Variants in SMURF2 observed in about 807,000 individuals in gnomAD.
SMURF2 encodes the protein SMAD specific E3 ubiquitin protein ligase 2.
A neutral mutation model predicts 109.6 loss-of-function variants in SMURF2; 48 were observed. That is an observed-to-expected ratio of 0.44 (90% CI 0.35 to 0.56). The LOEUF (loss-of-function observed/expected upper bound fraction) is 0.56. SMURF2 is among the 20% of genes least tolerant of loss of function. The probability of loss-of-function intolerance (pLI) is 0.01; values close to 1 mark genes in which losing one functional copy is unlikely to be tolerated. For missense variants in SMURF2, 575 were observed against 909.0 expected (o/e 0.63, Z 4.72); for synonymous variants, 288 against 317.1 (o/e 0.91, Z 0.97).
intron 1 of SMURF2, among the ~76,000 whole-genome samples, chr17:64,660,147 A>G (rs1419741081): frequency 6.6e-6 from 1 of 152,226 alleles, no homozygotes; most frequent in Non-Finnish European, 1.5e-5. Flanking sequence ...AAGTCATACT[A>G]AAAACCTCAA....
intron 5 of SMURF2, among the ~76,000 whole-genome samples, chr17:64,586,743 T>G (rs1398293778): frequency 2.1e-5 from 2 of 95,758 alleles, no homozygotes; most frequent in Non-Finnish European, 3.7e-5. Context: ...ACAGCGAGAC[T>G]CCGTCTCAAA....
intron 1 of SMURF2, among the ~76,000 whole-genome samples, chr17:64,646,865 C>T (rs1305529387): frequency 6.6e-6 from 1 of 152,156 alleles, no homozygotes; most frequent in East Asian, 1.9e-4. Flanking sequence ...CCACAATGTA[C>T]TATTTGGGAT....
At chr17:64,593,355 G>T in intron 4 of SMURF2, 85 bp downstream of exon 4, 1 of 1,125,124 alleles carries the variant, frequency 8.9e-7, no homozygotes, top group Non-Finnish European at 1.2e-6. Flanking sequence ...CATATATAGT[G>T]CATGTATATA....
At chr17:64,651,552 A>G (rs1555693521) in intron 1 of SMURF2, among the ~76,000 whole-genome samples, 1 of 151,420 alleles carries the variant, frequency 6.6e-6, no homozygotes, top group Non-Finnish European at 1.5e-5. Context: ...AGCCTGGGCG[A>G]CAGAGCAAGA....
intron 9 of SMURF2, among the ~76,000 whole-genome samples, chr17:64,576,655 C>T (rs1215906344): frequency 2.0e-5 from 3 of 152,024 alleles, no homozygotes; most frequent in African/African-American, 7.3e-5. Context: ...CAGAATGAGA[C>T]TCCATCTCAA....
At chr17:64,576,513 A>C (rs1969493088) in intron 9 of SMURF2, among the ~76,000 whole-genome samples, 2 of 151,598 alleles carry the variant, frequency 1.3e-5, no homozygotes, top group Non-Finnish European at 2.9e-5. Context: ...AAAATACAAA[A>C]ATTAGCTGGG....
intron 10 of SMURF2, among the ~76,000 whole-genome samples, chr17:64,565,249 G>A (rs1015214294): frequency 6.7e-6 from 1 of 149,468 alleles, no homozygotes; most frequent in South Asian, 2.1e-4. Context: ...TGCACTCAGG[G>A]AAAAAAAAAA....
intron 1 of SMURF2, among the ~76,000 whole-genome samples, chr17:64,619,274 C>T (rs1011699089): frequency 6.6e-6 from 1 of 151,694 alleles, no homozygotes; most frequent in African/African-American, 2.4e-5. Context: ...ATCAGGAGAT[C>T]GAGACCAGCC....
intron 4 of SMURF2, among the ~76,000 whole-genome samples, chr17:64,592,422 A>G (rs1157773307): frequency 2.6e-5 from 4 of 152,190 alleles, no homozygotes; most frequent in Admixed American, 2.0e-4. Context: ...AGATGCCTTT[A>G]AATATCTTGG....
In SMURF2 at chr17:64,547,500, G is replaced by T; in HGVS notation, c.2071+100C>A. 1 of 958,020 alleles carries T rather than the reference G, an allele frequency of 1.0e-6. No homozygotes were observed. Among genetic ancestry groups the T allele is most frequent in the Non-Finnish European group, 1.6e-6 (1 of 617,928 alleles). 59.3% of individuals were successfully genotyped at this position (958,020 alleles called of 1,614,324 possible). The stretch of plus-strand genomic sequence containing the variant: ...AGTCACAGATAAGAAGTGAAAAAGA[G>T]AATCTCTAAGCACATGGTTTACAAA... On this transcript the variant is annotated intron_variant, in intron 17 of 18. Transcript: ENST00000262435. This position sits in a 1 kb window ranked among gnomAD's most constrained non-coding sequence, Gnocchi z 4.2.
At chr17:64,621,011 A>G (rs1970194011) in intron 1 of SMURF2, among the ~76,000 whole-genome samples, 1 of 152,176 alleles carries the variant, frequency 6.6e-6, no homozygotes, top group Non-Finnish European at 1.5e-5. Context: ...TACTTATCTA[A>G]TAACAGATCT....
chr17:64,547,705 A>G lies in SMURF2; in HGVS notation c.1966T>C (p.Phe656Leu). Residue 656 changes from phenylalanine (F) to leucine (L), a missense_variant, in exon 17 of 19, where the codon TTC becomes CTC. Phe to Leu is a conservative substitution (Grantham distance 22). Transcript: ENST00000262435. This position sits in a 1 kb window ranked among gnomAD's most constrained non-coding sequence, Gnocchi z 4.2. ...CTPDSNIVKW[F>L]WKAVEFFDEE... ...TCAAAAAACTCCACAGCTTTCCAGA[A>G]CCATTTGACAATGTTGCTGTCTGGT... The G allele has an allele frequency of 6.2e-7, 1 of 1,614,124 alleles. No individual in the cohort carries two copies. The highest frequency in any genetic ancestry group is 2.2e-5 in the East Asian group (1 of 44,878).
intron 7 of SMURF2, among the ~76,000 whole-genome samples, chr17:64,582,798 C>T (rs1287498642): frequency 6.6e-6 from 1 of 152,078 alleles, no homozygotes; most frequent in Non-Finnish European, 1.5e-5. Context: ...GGGGTTTCTC[C>T]ATGTTGGTCA....
At chr17:64,552,466 T>C (rs1555683700) in intron 15 of SMURF2, among the ~76,000 whole-genome samples, 2 of 152,218 alleles carry the variant, frequency 1.3e-5, no homozygotes, top group Non-Finnish European at 2.9e-5. Context: ...TTACTTAACA[T>C]TATATCCTTT....
intron 9 of SMURF2, among the ~76,000 whole-genome samples, chr17:64,576,319 T>G (rs781956845): frequency 6.6e-6 from 1 of 152,030 alleles, no homozygotes; most frequent in Non-Finnish European, 1.5e-5. Flanking sequence ...AATTGACATT[T>G]TGGTTAGGAA....
chr17:64,649,144 C>T (rs1970601548), intron 1 of SMURF2, among the ~76,000 whole-genome samples: 2 of 152,182 alleles, frequency 1.3e-5, no homozygotes, highest in African/African-American at 2.4e-5. Flanking sequence ...CATAAGAAAG[C>T]TCACACTAAA....
intron 1 of SMURF2, among the ~76,000 whole-genome samples, chr17:64,628,561 G>A (rs1970296951): frequency 6.6e-6 from 1 of 152,024 alleles, no homozygotes; most frequent in South Asian, 2.1e-4. Flanking sequence ...AATTACCGCG[G>A]CCACTTTGGG....
Position 64,555,821 on chromosome 17 carries a change from G to T in SMURF2, c.1609C>A (p.Leu537Ile). ...PDLHNSLVWI[L>I]ENDITGVLDH... is the part of the protein sequence containing the mutation. ...AGAGATAGAAGACTCAATACATACA[G>T]TATCCACACTAAACTGTTGTGAAGA... Residue 537 changes from leucine to isoleucine, a missense_variant and splice_region_variant, in exon 14 of 19, where the codon CTT becomes ATT. By Grantham distance (5) the Leu-to-Ile change is conservative (BLOSUM62 2). Coordinates refer to ENST00000262435, the MANE Select transcript of SMURF2 (RefSeq NM_022739.4). 2 of 1,603,510 alleles carry T rather than the reference G, an allele frequency of 1.2e-6. No individual in the cohort carries two copies. The highest frequency in any genetic ancestry group is 8.5e-7 in the Non-Finnish European group (1 of 1,172,244).
At position 64,593,434 on chromosome 17, in the gene SMURF2, A is replaced by T; in HGVS notation, c.334+6T>A. 1 of 1,605,436 alleles carries T rather than the reference A, an allele frequency of 6.2e-7. No homozygotes were observed. The highest frequency in any genetic ancestry group is 8.5e-7 in the Non-Finnish European group (1 of 1,176,586). ...TTTAATTGGAAAAGCACTCGTATCT[A>T]CTCACAACCAGTGTCTTTGAGGCGG... On this transcript the variant is annotated splice_donor_region_variant and intron_variant, in intron 4 of 18. Coordinates refer to ENST00000262435, the MANE Select transcript of SMURF2 (RefSeq NM_022739.4).
Sources: allele counts gnomAD v4.1 joint callset (sites outside exome capture counted in the v4.1 genomes callset), GRCh38; gene constraint gnomAD v4.1.1; non-coding constraint Gnocchi (gnomAD v3.1); transcripts MANE v1.5; gene names NCBI Gene and HGNC (gene_info 2026-07-23, HGNC 2026-07-21).